DACH1: variants seen among roughly 807,000 people sequenced by gnomAD.
DACH1 encodes the protein dachshund family transcription factor 1.
A neutral mutation model predicts 54.2 loss-of-function variants in DACH1; 12 were observed. That is an observed-to-expected ratio of 0.22 (90% CI 0.14 to 0.36). The LOEUF (loss-of-function observed/expected upper bound fraction) is 0.36. Ranked by LOEUF, DACH1 falls within the 10% of genes least tolerant of loss-of-function variation. The pLI is 1.00. For synonymous variants in DACH1, 386 were observed against 366.2 expected (o/e 1.05, Z -0.62); for missense variants, 805 against 929.8 (o/e 0.87, Z 1.75).
intron 1 of DACH1, among the ~76,000 whole-genome samples, chr13:71,823,476 A>G (rs940834484): frequency 6.6e-6 from 1 of 152,100 alleles, no homozygotes; most frequent in South Asian, 2.1e-4. Flanking sequence ...TCACTGATGC[A>G]CTGAGAAATA....
chr13:71,612,568 C>A (rs761188047), intron 3 of DACH1, among the ~76,000 whole-genome samples: 4 of 152,142 alleles, frequency 2.6e-5, no homozygotes, highest in Non-Finnish European at 5.9e-5. Context: ...CTTCATTACA[C>A]GACCTTAAAA....
chr13:71,570,605 C>T (rs1229227765), intron 4 of DACH1, among the ~76,000 whole-genome samples: 1 of 152,188 alleles, frequency 6.6e-6, no homozygotes, highest in African/African-American at 2.4e-5. Flanking sequence ...ATATTTGCAA[C>T]AGGAGAAGAA....
chr13:71,586,630 G>A (rs1004131088), intron 3 of DACH1, among the ~76,000 whole-genome samples: 8 of 151,738 alleles, frequency 5.3e-5, no homozygotes, highest in South Asian at 2.1e-4. Context: ...ATAATATATC[G>A]TGTAGGCAAT....
intron 10 of DACH1, among the ~76,000 whole-genome samples, chr13:71,444,015 CACTT>C (rs1194862686): frequency 1.2e-4 from 19 of 152,092 alleles, no homozygotes; most frequent in Middle Eastern, 3.2e-3. Context: ...ATGTTTTTCT[CACTT>C]ACATTATATG....
At chr13:71,648,325 C>A (rs1363395510) in intron 2 of DACH1, among the ~76,000 whole-genome samples, 1 of 152,108 alleles carries the variant, frequency 6.6e-6, no homozygotes, top group African/African-American at 2.4e-5. Flanking sequence ...TCATTAACCT[C>A]ATGTTCTTCA....
intron 10 of DACH1, among the ~76,000 whole-genome samples, chr13:71,446,061 C>T (rs1874429883): frequency 6.6e-6 from 1 of 152,110 alleles, no homozygotes; most frequent in Admixed American, 6.6e-5. Context: ...CAAAAATGAG[C>T]GGCAAAAGAG....
At chr13:71,650,008 C>T (rs995423676) in intron 2 of DACH1, among the ~76,000 whole-genome samples, 1 of 152,150 alleles carries the variant, frequency 6.6e-6, no homozygotes, top group Non-Finnish European at 1.5e-5. Flanking sequence ...GAAGGCCAAG[C>T]ACTTTGACCT....
chr13:71,811,178 A>C (rs116338764), intron 1 of DACH1, among the ~76,000 whole-genome samples: 1,610 of 152,234 alleles, frequency 0.011, 30 homozygotes, highest in African/African-American at 0.036. Flanking sequence ...ATACATCAAA[A>C]TTTAGATTAT....
At chr13:71,677,200 T>G (rs1880626926) in intron 2 of DACH1, among the ~76,000 whole-genome samples, 1 of 152,214 alleles carries the variant, frequency 6.6e-6, no homozygotes, top group Non-Finnish European at 1.5e-5. Flanking sequence ...TGAATGTTAT[T>G]GGAAGTCTGT....
chr13:71,768,813 A>G (rs1885739753), intron 1 of DACH1, among the ~76,000 whole-genome samples: 1 of 151,936 alleles, frequency 6.6e-6, no homozygotes, highest in Non-Finnish European at 1.5e-5. Flanking sequence ...TACAATTTTT[A>G]ACATCATAAT....
chr13:71,774,623 C>T (rs1261599255), intron 1 of DACH1, among the ~76,000 whole-genome samples: 1 of 152,040 alleles, frequency 6.6e-6, no homozygotes, highest in African/African-American at 2.4e-5. Context: ...GATGTGGAAA[C>T]GGATTTTAAA....
intron 1 of DACH1, among the ~76,000 whole-genome samples, chr13:71,690,843 G>C (rs1881442571): frequency 6.6e-6 from 1 of 152,092 alleles, no homozygotes; most frequent in Non-Finnish European, 1.5e-5. Flanking sequence ...GAGGCAAGAG[G>C]ATCCCTTGAG....
intron 1 of DACH1, among the ~76,000 whole-genome samples, chr13:71,788,887 A>G (rs1216452060): frequency 6.6e-6 from 1 of 152,188 alleles, no homozygotes; most frequent in Non-Finnish European, 1.5e-5. Flanking sequence ...AAATGTTTAT[A>G]TCTCAGATAT....
chr13:71,484,905 C>T (rs1028170379), intron 7 of DACH1, among the ~76,000 whole-genome samples: 3 of 151,802 alleles, frequency 2.0e-5, no homozygotes, highest in Admixed American at 1.3e-4. Flanking sequence ...TACTAAAATG[C>T]TTTTTAAAAA....
chr13:71,826,773 A>G (rs1404061915), intron 1 of DACH1, among the ~76,000 whole-genome samples: 2 of 152,098 alleles, frequency 1.3e-5, no homozygotes, highest in Non-Finnish European at 2.9e-5. Context: ...GGACTCAGAA[A>G]TTGCCACTTT....
chr13:71,567,145 C>T (rs1884939352), intron 4 of DACH1, among the ~76,000 whole-genome samples: 1 of 151,984 alleles, frequency 6.6e-6, no homozygotes, highest in South Asian at 2.1e-4. Context: ...CTCACACACA[C>T]ACATGCACAG....
intron 1 of DACH1, among the ~76,000 whole-genome samples, chr13:71,766,116 G>A (rs1441366325): frequency 1.3e-5 from 2 of 152,046 alleles, no homozygotes; most frequent in Non-Finnish European, 2.9e-5. Flanking sequence ...TCGGTCTCCT[G>A]ACCTCGTGAT....
At position 71,815,545 on chromosome 13, in the gene DACH1, T is replaced by C. The variant is rs538446708; in HGVS notation, c.848+50377A>G. 2.0e-5 allele frequency among the ~76,000 whole-genome samples: 3 copies of C among 152,278 alleles called. No homozygotes were observed. In the South Asian group the frequency reaches 6.2e-4, roughly 32 times the overall value. Reference sequence around the variant, plus strand: ...CTGGGCATTTCAGAATTTAAAATAATTGAAAAAGGTATTGAAGAGTAGAGT... The same window carrying C: ...CTGGGCATTTCAGAATTTAAAATAACTGAAAAAGGTATTGAAGAGTAGAGT... On this transcript the variant is annotated intron_variant, in intron 1 of 10. Coordinates refer to ENST00000613252, the MANE Select transcript of DACH1 (RefSeq NM_080759.6).
chr13:71,571,383 T>G (rs928350981), intron 4 of DACH1, among the ~76,000 whole-genome samples: 1 of 152,206 alleles, frequency 6.6e-6, no homozygotes, highest in Non-Finnish European at 1.5e-5. Context: ...TGCTGAATTC[T>G]CAATAATACC....
Sources: gnomAD v4.1 joint callset for allele counts (sites outside exome capture counted in the v4.1 genomes callset) on GRCh38, gnomAD v4.1.1 for gene constraint, MANE v1.5 for transcripts, NCBI Gene and HGNC (gene_info 2026-07-23, HGNC 2026-07-21) for gene names.